Variants in COL19A1 observed in about 807,000 individuals in gnomAD.
COL19A1 encodes collagen type XIX alpha 1 chain.
In COL19A1, 159 loss-of-function variants were observed where a neutral mutation model predicts 190.2. That is an observed-to-expected ratio of 0.84 (90% confidence interval 0.73 to 0.95). The LOEUF (loss-of-function observed/expected upper bound fraction) is 0.95, where lower values mean the gene tolerates loss of function less well. Ranked by LOEUF, COL19A1 falls within the 40% of genes least tolerant of loss-of-function variation. The pLI, the probability that COL19A1 is intolerant of heterozygous loss-of-function variation, is 0.00. For missense variants in COL19A1, 1,418 were observed against 1,431.9 expected, an observed-to-expected ratio of 0.99 and a Z score of 0.16; for synonymous variants, 509 against 458.9, an observed-to-expected ratio of 1.11 and a Z score of -1.39.
intron 12 of COL19A1, among the ~76,000 whole-genome samples, chr6:70,026,233 C>T (rs1321014625): frequency 1.3e-5 from 2 of 152,092 alleles, no homozygotes; most frequent in African/African-American, 2.4e-5. Context: ...GGTTTTTGGG[C>T]TTTTTAATTA....
In COL19A1 at chr6:69,917,761, GGAA is replaced by G. The variant is rs200372533; in HGVS notation, c.267-10138_267-10136del. On this transcript the variant is annotated intron_variant, in intron 4 of 50. Coordinates refer to ENST00000620364, the MANE Select transcript of COL19A1 (RefSeq NM_001858.6). The stretch of plus-strand genomic sequence containing the variant: ...TCTTTTGGCTTCCCTGAGCCACTTT[GGAA>G]GAAGAAGAATTGTCTTGGACCACAC... 5.5e-3 allele frequency among the ~76,000 whole-genome samples: 832 copies of G among 152,146 alleles called. 18 individuals are homozygous for G. The East Asian group carries it at 0.068, about 13-fold the overall frequency.
At chr6:70,061,498 C>G (rs1478812388) in intron 14 of COL19A1, among the ~76,000 whole-genome samples, 3 of 151,976 alleles carry the variant, frequency 2.0e-5, no homozygotes, top group Non-Finnish European at 4.4e-5. Context: ...TGTACCATAT[C>G]TTAGTACTTG....
chr6:69,920,455 T>C (rs1771618168), intron 4 of COL19A1, among the ~76,000 whole-genome samples: 1 of 152,142 alleles, frequency 6.6e-6, no homozygotes, highest in African/African-American at 2.4e-5. Context: ...GAATCCAAGA[T>C]ATATGAATTA....
intron 39 of COL19A1, 69 bp downstream of exon 39, chr6:70,168,284 A>AC: frequency 6.6e-7 from 1 of 1,522,560 alleles, no homozygotes; most frequent in Non-Finnish European, 9.0e-7. Flanking sequence ...AACAATAAAA[A>AC]CCTCTTAAGT....
chr6:70,132,544 C>G (rs1785586488), intron 18 of COL19A1, among the ~76,000 whole-genome samples: 1 of 152,046 alleles, frequency 6.6e-6, no homozygotes. Context: ...ATGTAAGTCA[C>G]CACAGTGAAA....
chr6:69,872,591 G>A (rs34347922), intron 1 of COL19A1, among the ~76,000 whole-genome samples: 22,256 of 152,170 alleles, frequency 0.15, 1,773 homozygotes, highest in East Asian at 0.25. Flanking sequence ...AAGTTGAAGG[G>A]ACAATGGCGT....
At chr6:70,045,694 G>C (rs534926837) in intron 14 of COL19A1, among the ~76,000 whole-genome samples, 1 of 152,116 alleles carries the variant, frequency 6.6e-6, no homozygotes, top group Non-Finnish European at 1.5e-5. Context: ...GAGCTTATAC[G>C]CAGAATTTTG....
chr6:70,018,761 A>T (rs969151956), intron 11 of COL19A1, among the ~76,000 whole-genome samples: 2 of 152,158 alleles, frequency 1.3e-5, no homozygotes, highest in Non-Finnish European at 2.9e-5. Context: ...GGGTAACTGC[A>T]GCTGAGTCCT....
chr6:70,040,658 A>G (rs867458393), intron 14 of COL19A1, among the ~76,000 whole-genome samples: 1 of 152,212 alleles, frequency 6.6e-6, no homozygotes, highest in Non-Finnish European at 1.5e-5. Flanking sequence ...GGTCATATGG[A>G]AAATACTCCA....
At position 70,209,300 on chromosome 6, in the gene COL19A1, T is replaced by C. The variant is rs1005463936; in HGVS notation, c.*2026T>C. 3.3e-5 allele frequency: 5 copies of C among 152,602 alleles called. No homozygotes were observed. The highest frequency in any genetic ancestry group is 1.3e-4 in the Admixed American group (2 of 15,274). The allele number at this position is 152,602 out of a possible 1,614,324, so 9.5% of individuals were successfully genotyped here. ...AAATATTTTATATGTTTTCAAAGAT[T>C]ATTTTTTCATATTAATAGGTTGTTT... On this transcript the variant is annotated 3_prime_UTR_variant, in exon 51 of 51. Coordinates refer to ENST00000620364, the MANE Select transcript of COL19A1 (RefSeq NM_001858.6).
rs762845403 is a variant in COL19A1 at position 70,199,748 on chromosome 6, A to G, written c.3223+12A>G. The stretch of plus-strand genomic sequence containing the variant: ...CCCTGGACCCCAAGGTAAGTCTTCA[A>G]GTGTAATATTGGCTTATTGATTTTT... On this transcript the variant is annotated intron_variant, in intron 49 of 50. Transcript: ENST00000620364. 3.8e-6 allele frequency: 6 copies of G among 1,594,288 alleles called. No homozygotes were observed. The South Asian group carries it at 6.9e-5, about 18-fold the overall frequency.
intron 9 of COL19A1, among the ~76,000 whole-genome samples, chr6:69,955,342 A>G (rs889796466): frequency 7.9e-5 from 12 of 152,136 alleles, no homozygotes; most frequent in African/African-American, 2.7e-4. Context: ...TTTTATTTGA[A>G]TAACTCTTAG....
rs1444346567 is a variant in COL19A1 at position 70,171,979 on chromosome 6, A to T, written c.2584A>T (p.Met862Leu). The change falls in exon 41 of 51, where the codon ATG (methionine) becomes TTG (leucine). Residue 862 changes from methionine to leucine, a missense_variant. Coordinates refer to ENST00000620364, the MANE Select transcript of COL19A1 (RefSeq NM_001858.6). Reference protein sequence around the residue: ...DPGPVGEPGAMGLPGLEGFPG... With the variant: ...DPGPVGEPGALGLPGLEGFPG... The stretch of plus-strand genomic sequence containing the variant: ...TATTTAACAGGGAGAGCCTGGTGCA[A>T]TGGGGTTGCCAGGATTAGAAGGATT... 1 of 1,612,344 alleles carries T rather than the reference A, an allele frequency of 6.2e-7. No individual in the cohort carries two copies. Among genetic ancestry groups the T allele is most frequent in the Admixed American group, 1.7e-5 (1 of 59,734 alleles).
intron 11 of COL19A1, among the ~76,000 whole-genome samples, chr6:70,006,042 C>T (rs944402660): frequency 6.6e-6 from 1 of 152,068 alleles, no homozygotes; most frequent in Admixed American, 6.5e-5. Flanking sequence ...TTGAAAAGGG[C>T]TTTTTCAGTC....
chr6:70,051,461 C>T (rs1391116201), intron 14 of COL19A1, among the ~76,000 whole-genome samples: 1 of 152,100 alleles, frequency 6.6e-6, no homozygotes, highest in African/African-American at 2.4e-5. Context: ...CCCCAGGTAC[C>T]AGAAACAACC....
At chr6:70,070,461 G>A (rs1367779487) in intron 15 of COL19A1, among the ~76,000 whole-genome samples, 1 of 152,090 alleles carries the variant, frequency 6.6e-6, no homozygotes, top group African/African-American at 2.4e-5. Flanking sequence ...ACACTTTTAG[G>A]CATAGTTCGT....
chr6:69,957,053 G>A (rs1339455389), intron 9 of COL19A1, among the ~76,000 whole-genome samples: 3 of 151,864 alleles, frequency 2.0e-5, no homozygotes, highest in African/African-American at 4.8e-5. Flanking sequence ...ATCTTTATTT[G>A]CTTGGTCTCA....
chr6:70,099,056 TAAAAAAAA>T (rs5877239), intron 15 of COL19A1, among the ~76,000 whole-genome samples: 2 of 75,886 alleles, frequency 2.6e-5, no homozygotes, highest in African/African-American at 5.2e-5. Context: ...ACCCTGTCTC[TAAAAAAAA>T]AAAAAAAAAA....
At chr6:70,080,903 C>T (rs1049710319) in intron 15 of COL19A1, among the ~76,000 whole-genome samples, 1 of 152,086 alleles carries the variant, frequency 6.6e-6, no homozygotes, top group Non-Finnish European at 1.5e-5. Context: ...GCTTAAAAAC[C>T]TTTTTCACTG....
Sources: allele counts gnomAD v4.1 joint callset (sites outside exome capture counted in the v4.1 genomes callset), GRCh38; gene constraint gnomAD v4.1.1; transcripts MANE v1.5; gene names NCBI Gene and HGNC (gene_info 2026-07-23, HGNC 2026-07-21).